Variants in WWOX observed in about 807,000 individuals in gnomAD.
The protein encoded by WWOX is WW domain containing oxidoreductase.
Under a neutral mutation model 46.2 loss-of-function variants are expected in WWOX, and 69 were observed. The ratio of observed to expected loss-of-function variants is 1.49; its 90% CI spans 1.23 to 1.82. WWOX has a LOEUF of 1.82. Among genes scored for constraint, WWOX ranks in the 40% most tolerant of loss-of-function variants. The pLI is 0.00. For synonymous variants in WWOX, 359 were observed against 202.6 expected (o/e 1.77, Z -6.56); for missense variants, 919 against 542.6 (o/e 1.69, Z -6.89).
chr16:79,080,928 A>G (rs2048749209), intron 8 of WWOX, among the ~76,000 whole-genome samples: 1 of 152,228 alleles, frequency 6.6e-6, no homozygotes, highest in African/African-American at 2.4e-5. Flanking sequence ...ATAATAATTT[A>G]TTTGGCAAGT....
intron 8 of WWOX, among the ~76,000 whole-genome samples, chr16:78,517,147 A>C (rs1199628304): frequency 6.6e-6 from 1 of 152,196 alleles, no homozygotes; most frequent in African/African-American, 2.4e-5. Flanking sequence ...AGAATACTAA[A>C]ATCTTACAGT....
intron 8 of WWOX, among the ~76,000 whole-genome samples, chr16:78,456,577 A>AT (rs1292276074): frequency 6.6e-6 from 1 of 152,202 alleles, no homozygotes; most frequent in South Asian, 2.1e-4. Flanking sequence ...AATTTGAAGT[A>AT]TTTTTTTCTT....
At chr16:78,626,904 G>A (rs2046323524) in intron 8 of WWOX, among the ~76,000 whole-genome samples, 1 of 151,974 alleles carries the variant, frequency 6.6e-6, no homozygotes, top group African/African-American at 2.4e-5. Context: ...TTTCCAGATG[G>A]AACAATTTGG....
intron 8 of WWOX, among the ~76,000 whole-genome samples, chr16:78,817,212 C>G (rs188400736): frequency 6.3e-5 from 7 of 110,658 alleles, no homozygotes; most frequent in Admixed American, 2.1e-4. Context: ...TTCTTCAACC[C>G]TGACTCTGAT....
intron 8 of WWOX, among the ~76,000 whole-genome samples, chr16:79,042,437 G>T (rs2151412492): frequency 6.6e-6 from 1 of 152,270 alleles, no homozygotes; most frequent in East Asian, 1.9e-4. Context: ...TGGAGAGATT[G>T]ATTCCCTGGT....
chr16:78,378,261 G>T (rs1024340069), intron 5 of WWOX, among the ~76,000 whole-genome samples: 1 of 152,152 alleles, frequency 6.6e-6, no homozygotes, highest in Admixed American at 6.5e-5. Flanking sequence ...AGTCAGTGAA[G>T]AGACTCTCAA....
intron 8 of WWOX, among the ~76,000 whole-genome samples, chr16:79,007,140 C>T (rs776809192): frequency 3.3e-5 from 5 of 152,168 alleles, no homozygotes; most frequent in Non-Finnish European, 7.3e-5. Context: ...AAGATCCTTG[C>T]ACTTCCAAAA....
intron 5 of WWOX, among the ~76,000 whole-genome samples, chr16:78,321,432 A>G (rs1051696879): frequency 3.5e-5 from 5 of 143,612 alleles, no homozygotes; most frequent in Admixed American, 2.2e-4. Flanking sequence ...ATATATATAT[A>G]TAAAAATATA....
intron 8 of WWOX, among the ~76,000 whole-genome samples, chr16:78,580,224 C>A (rs1197767192): frequency 6.6e-6 from 1 of 152,008 alleles, no homozygotes; most frequent in African/African-American, 2.4e-5. Context: ...TAGGTGTGTG[C>A]CAGCATGCCC....
chr16:78,994,483 C>T (rs533952711), intron 8 of WWOX: 8 of 152,246 alleles, frequency 5.3e-5, no homozygotes, highest in Admixed American at 3.3e-4. Flanking sequence ...ATTATGACTC[C>T]GGCACCGAGG....
chr16:78,152,194 G>A (rs1467051068), intron 4 of WWOX, among the ~76,000 whole-genome samples: 49 of 144,582 alleles, frequency 3.4e-4, no homozygotes, highest in African/African-American at 2.8e-4. Flanking sequence ...CGTCTCAAGA[G>A]AAAAAAAAAA....
At chr16:78,222,356 A>T (rs1396718320) in intron 5 of WWOX, among the ~76,000 whole-genome samples, 1 of 151,522 alleles carries the variant, frequency 6.6e-6, no homozygotes, top group Non-Finnish European at 1.5e-5. Flanking sequence ...AAAAAAAAAA[A>T]AAAAGGAGAA....
At chr16:78,119,882 AT>A (rs1413608985) in intron 4 of WWOX, among the ~76,000 whole-genome samples, 3 of 152,038 alleles carry the variant, frequency 2.0e-5, no homozygotes, top group Admixed American at 6.5e-5. Context: ...GATTTTTAAA[AT>A]TTTTTTCAGA....
intron 5 of WWOX, among the ~76,000 whole-genome samples, chr16:78,329,380 A>G (rs961018459): frequency 2.0e-5 from 3 of 152,170 alleles, no homozygotes; most frequent in African/African-American, 7.2e-5. Context: ...TGTTTCTTAG[A>G]ACAACCTCCA....
chr16:78,106,409 C>CG (rs1298308738), intron 1 of WWOX, among the ~76,000 whole-genome samples: 26 of 131,868 alleles, frequency 2.0e-4, no homozygotes, highest in African/African-American at 6.9e-4. Flanking sequence ...AGAGTCAGAA[C>CG]GGTTTTTTTT....
intron 8 of WWOX, among the ~76,000 whole-genome samples, chr16:79,197,404 G>T (rs184894326): frequency 1.1e-3 from 163 of 152,260 alleles, no homozygotes; most frequent in African/African-American, 3.9e-3. Flanking sequence ...TAAATTGCTT[G>T]TGGTGAGAGT....
At chr16:78,133,061 T>C (rs1401752787) in intron 4 of WWOX, among the ~76,000 whole-genome samples, 1 of 152,196 alleles carries the variant, frequency 6.6e-6, no homozygotes, top group African/African-American at 2.4e-5. Flanking sequence ...TTATGTAAAA[T>C]GGAAGGGTTA....
intron 6 of WWOX, among the ~76,000 whole-genome samples, chr16:78,409,501 G>T (rs1458065308): frequency 2.6e-5 from 4 of 152,068 alleles, no homozygotes; most frequent in African/African-American, 9.7e-5. Context: ...CCTTCCCATA[G>T]CATAATGCAT....
chr16:78,378,008 G>A (rs2081869823), intron 5 of WWOX, among the ~76,000 whole-genome samples: 1 of 152,016 alleles, frequency 6.6e-6, no homozygotes, highest in Admixed American at 6.6e-5. Context: ...GGTAGGAAGG[G>A]GACCTGATGG....
Sources: gnomAD v4.1 joint callset for allele counts (sites outside exome capture counted in the v4.1 genomes callset) on GRCh38, gnomAD v4.1.1 for gene constraint, MANE v1.5 for transcripts, NCBI Gene and HGNC (gene_info 2026-07-23, HGNC 2026-07-21) for gene names.